Variants in ADGRL3 observed in about 807,000 individuals in gnomAD.
ADGRL3 encodes adhesion G protein-coupled receptor L3, also known as calcium-independent alpha-latrotoxin receptor 3.
Under a neutral mutation model 153.5 loss-of-function variants are expected in ADGRL3, and 62 were observed. The observed-to-expected ratio is 0.40, with a 90% CI of 0.33 to 0.50. ADGRL3 has a LOEUF of 0.50. ADGRL3 is among the 20% of genes least tolerant of loss of function. The pLI is 0.47. For missense variants in ADGRL3, 1,641 were observed against 1,859.4 expected (o/e 0.88, Z 2.16); for synonymous variants, 710 against 672.5 (o/e 1.06, Z -0.86).
intron 8 of ADGRL3, among the ~76,000 whole-genome samples, chr4:61,760,695 A>G (rs2096901834): frequency 6.6e-6 from 1 of 152,130 alleles, no homozygotes. Context: ...CCCCAGTGAG[A>G]TGAGCCTGGT....
intron 5 of ADGRL3, among the ~76,000 whole-genome samples, chr4:61,610,047 G>A (rs1458832210): frequency 6.6e-6 from 1 of 151,658 alleles, no homozygotes; most frequent in Non-Finnish European, 1.5e-5. Flanking sequence ...CACCCAGAGG[G>A]TTCTGTACTA....
At chr4:61,580,974 A>AC (rs1339905160) in intron 4 of ADGRL3, among the ~76,000 whole-genome samples, 5 of 152,074 alleles carry the variant, frequency 3.3e-5, no homozygotes, top group African/African-American at 1.2e-4. Flanking sequence ...GTATCAAAGA[A>AC]CTGTGAACAC....
chr4:61,894,579 G>T (rs1581346969), intron 10 of ADGRL3, among the ~76,000 whole-genome samples: 1 of 152,186 alleles, frequency 6.6e-6, no homozygotes, highest in East Asian at 1.9e-4. Context: ...GAAGATTAGT[G>T]AAACACTTTA....
intron 21 of ADGRL3, among the ~76,000 whole-genome samples, chr4:61,998,982 A>C (rs190644778): frequency 5.6e-4 from 86 of 152,312 alleles, no homozygotes; most frequent in Non-Finnish European, 8.8e-4. Flanking sequence ...ATGTACCAAA[A>C]GGGGAATTTT....
At chr4:61,797,610 T>A (rs1222840590) in intron 8 of ADGRL3, among the ~76,000 whole-genome samples, 2 of 152,212 alleles carry the variant, frequency 1.3e-5, no homozygotes, top group African/African-American at 4.8e-5. Context: ...ATCCTCATCC[T>A]CATTTTCATG....
chr4:61,763,239 G>A (rs2096934294), intron 8 of ADGRL3, among the ~76,000 whole-genome samples: 1 of 149,494 alleles, frequency 6.7e-6, no homozygotes, highest in African/African-American at 2.5e-5. Context: ...CCAGGCTGGA[G>A]TGCAGTGGTG....
chr4:61,619,509 T>C (rs934072469), intron 5 of ADGRL3, among the ~76,000 whole-genome samples: 1 of 85,272 alleles, frequency 1.2e-5, no homozygotes, highest in Non-Finnish European at 2.7e-5. Context: ...TTTTGGAGAA[T>C]GTGAGATACA....
intron 2 of ADGRL3, among the ~76,000 whole-genome samples, chr4:61,441,587 T>C (rs2097529373): frequency 1.3e-5 from 2 of 151,694 alleles, no homozygotes; most frequent in South Asian, 4.2e-4. Context: ...TGGTGCGATC[T>C]CAGCTCACTG....
At chr4:61,972,652 G>A (rs559667695) in intron 17 of ADGRL3, among the ~76,000 whole-genome samples, 1 of 152,144 alleles carries the variant, frequency 6.6e-6, no homozygotes, top group South Asian at 2.1e-4. Context: ...CTCTTTTTTG[G>A]TTCCATATGA....
intron 1 of ADGRL3, among the ~76,000 whole-genome samples, chr4:61,328,046 A>G (rs577743142): frequency 6.6e-6 from 1 of 151,974 alleles, no homozygotes; most frequent in East Asian, 1.9e-4. Flanking sequence ...TTTTTTTCTG[A>G]CTTGATTGCT....
intron 4 of ADGRL3, among the ~76,000 whole-genome samples, chr4:61,551,496 T>C (rs548477208): frequency 6.8e-4 from 103 of 152,290 alleles, no homozygotes; most frequent in Middle Eastern, 3.4e-3. Context: ...ACTGTGATAA[T>C]TGAAGAATCC....
intron 1 of ADGRL3, among the ~76,000 whole-genome samples, chr4:61,209,119 T>C (rs1393003970): frequency 1.3e-5 from 2 of 152,174 alleles, no homozygotes; most frequent in African/African-American, 4.8e-5. Flanking sequence ...ACCCAGCCTA[T>C]CACTATGAAA....
At chr4:61,570,386 A>G (rs533685727) in intron 4 of ADGRL3, among the ~76,000 whole-genome samples, 1 of 152,078 alleles carries the variant, frequency 6.6e-6, no homozygotes, top group African/African-American at 2.4e-5. Flanking sequence ...AATATAATCC[A>G]AACTTTTATT....
chr4:61,962,978 A>G (rs1168945739), intron 17 of ADGRL3, among the ~76,000 whole-genome samples: 9 of 152,070 alleles, frequency 5.9e-5, no homozygotes, highest in South Asian at 2.1e-4. Flanking sequence ...TCTCACAACT[A>G]TAGAGGATGC....
chr4:62,021,644 T>C (rs961933937), intron 21 of ADGRL3, among the ~76,000 whole-genome samples: 2 of 152,172 alleles, frequency 1.3e-5, no homozygotes, highest in Non-Finnish European at 1.5e-5. Flanking sequence ...CAACAGCATG[T>C]GCTTACTTCA....
chr4:62,016,461 C>T (rs1166547506), intron 21 of ADGRL3, among the ~76,000 whole-genome samples: 2 of 152,306 alleles, frequency 1.3e-5, no homozygotes, highest in East Asian at 1.9e-4. Context: ...GTTTCCAACA[C>T]CATTTGCTAA....
chr4:61,216,512 A>G (rs1453168503), intron 1 of ADGRL3, among the ~76,000 whole-genome samples: 1 of 151,884 alleles, frequency 6.6e-6, no homozygotes. Context: ...CAGTGTCCCC[A>G]TTTTACTCCT....
At chr4:61,658,925 T>C (rs1026841045) in intron 5 of ADGRL3, among the ~76,000 whole-genome samples, 1 of 152,148 alleles carries the variant, frequency 6.6e-6, no homozygotes, top group Admixed American at 6.5e-5. Flanking sequence ...TAAAACAACA[T>C]AAATTTGCTT....
At chr4:61,338,790 A>G (rs1378966657) in intron 1 of ADGRL3, among the ~76,000 whole-genome samples, 1 of 152,244 alleles carries the variant, frequency 6.6e-6, no homozygotes, top group Non-Finnish European at 1.5e-5. Context: ...TTGAATAAAT[A>G]TTAAGTGAAA....
Sources: gnomAD v4.1 joint callset for allele counts (sites outside exome capture counted in the v4.1 genomes callset) on GRCh38, gnomAD v4.1.1 for gene constraint, MANE v1.5 for transcripts, NCBI Gene and HGNC (gene_info 2026-07-23, HGNC 2026-07-21) for gene names.